Variants in STAB2 observed in about 807,000 individuals in gnomAD.
STAB2 encodes the protein stabilin-2.
A neutral mutation model predicts 338.1 loss-of-function variants in STAB2; 288 were observed. The observed-to-expected ratio is 0.85, with a 90% confidence interval of 0.77 to 0.94. STAB2 has a LOEUF of 0.94. Among genes scored for constraint, STAB2 ranks in the 40% least tolerant of loss-of-function variants. The pLI, the probability that STAB2 is intolerant of heterozygous loss-of-function variation, is 0.00. For missense variants in STAB2, 3,141 were observed against 3,210.1 expected (o/e 0.98, Z 0.52); for synonymous variants, 1,202 against 1,193.3 (o/e 1.01, Z -0.15).
At chr12:103,696,582 G>A (rs1006265360) in intron 33 of STAB2, among the ~76,000 whole-genome samples, 18 of 152,332 alleles carry the variant, frequency 1.2e-4, no homozygotes, top group African/African-American at 4.3e-4. Flanking sequence ...ATCGTGGCAT[G>A]ATTGAAGCTT....
chr12:103,764,642 T>C (rs1471688041), intron 68 of STAB2, among the ~76,000 whole-genome samples: 1 of 151,798 alleles, frequency 6.6e-6, no homozygotes, highest in East Asian at 1.9e-4. Flanking sequence ...TTGTATAGTG[T>C]AACAGATATT....
intron 9 of STAB2, among the ~76,000 whole-genome samples, chr12:103,645,371 T>C (rs1183345935): frequency 1.3e-5 from 2 of 152,226 alleles, no homozygotes; most frequent in Admixed American, 1.3e-4. Context: ...CCATTAGCAC[T>C]GAGGCCATAA....
At chr12:103,620,026 C>T (rs561931916) in intron 3 of STAB2, among the ~76,000 whole-genome samples, 6 of 152,222 alleles carry the variant, frequency 3.9e-5, no homozygotes, top group Admixed American at 6.5e-5. Flanking sequence ...AATACCCTGT[C>T]TAGCACACCT....
rs543264559 is a variant in STAB2 at position 103,761,177 on chromosome 12, CT to C, written c.7249-122del. The C allele has an allele frequency of 5.3e-4, 425 of 796,602 alleles. 1 individual carries two copies. The highest frequency in any genetic ancestry group is 7.8e-4 in the Non-Finnish European group (374 of 479,766). 49.3% of individuals were successfully genotyped at this position (796,602 alleles called of 1,614,324 possible). A position where few individuals can be genotyped will look rare whatever the true frequency, so the allele number is the denominator to read the frequency against. On this transcript the variant is annotated intron_variant, in intron 65 of 68. Coordinates refer to ENST00000388887, the MANE Select transcript of STAB2 (RefSeq NM_017564.10). ...AGGGTGAGGAGAAGTCCTGGGCTGCCTATCAGTGGAGACAAACCTGAAACAT... is the reference window on the plus strand; with the variant it reads ...AGGGTGAGGAGAAGTCCTGGGCTGCCATCAGTGGAGACAAACCTGAAACAT...
chr12:103,637,744 T>C (rs1334770491), intron 7 of STAB2, among the ~76,000 whole-genome samples: 4 of 152,222 alleles, frequency 2.6e-5, no homozygotes, highest in Non-Finnish European at 4.4e-5. Flanking sequence ...TTAGTACATA[T>C]TATAAATTCT....
intron 31 of STAB2, among the ~76,000 whole-genome samples, chr12:103,694,667 T>C (rs576784072): frequency 9.9e-5 from 15 of 152,096 alleles, no homozygotes; most frequent in Non-Finnish European, 2.1e-4. Flanking sequence ...AACCCAGACC[T>C]CAGTCACACT....
chr12:103,587,505 G>C lies in STAB2; in HGVS notation c.29G>C (p.Cys10Ser). Residue 10 changes from cysteine to serine, a missense_variant, in exon 1 of 69, where the codon TGT becomes TCT. Coordinates refer to ENST00000388887, the MANE Select transcript of STAB2 (RefSeq NM_017564.10). The part of the protein sequence containing the change: MMLQHLVIF[C>S]LGLVVQNFCS... Reference sequence around the variant, plus strand: ...ATGCTACAACATTTAGTAATTTTTTGTCTTGGATTGGTTGTACAAAATTTC... The same window carrying C: ...ATGCTACAACATTTAGTAATTTTTTCTCTTGGATTGGTTGTACAAAATTTC... 6.2e-7 allele frequency: 1 copy of C among 1,614,006 alleles called. No individual in the cohort carries two copies. Among genetic ancestry groups the C allele is most frequent in the Non-Finnish European group, 8.5e-7 (1 of 1,179,916 alleles).
intron 67 of STAB2, chr12:103,763,251 AT>A (rs1884675200): frequency 2.0e-6 from 1 of 495,980 alleles, no homozygotes; most frequent in Admixed American, 3.3e-5. Context: ...ATCCTGGGGT[AT>A]GGAAATGCCC....
At chr12:103,709,291 G>A (rs971195134) in intron 39 of STAB2, among the ~76,000 whole-genome samples, 4 of 152,196 alleles carry the variant, frequency 2.6e-5, no homozygotes, top group South Asian at 4.1e-4. Context: ...CAGAATGAGA[G>A]GACTTTAAGG....
intron 24 of STAB2, among the ~76,000 whole-genome samples, chr12:103,677,006 C>T (rs958696892): frequency 2.6e-5 from 4 of 152,202 alleles, no homozygotes; most frequent in Non-Finnish European, 5.9e-5. Flanking sequence ...CCTTCTCATT[C>T]TGTCCTCCAG....
Position 103,762,134 on chromosome 12 carries a change from C to A in STAB2, c.7360-140C>A. On this transcript the variant is annotated intron_variant, in intron 66 of 68. Transcript: ENST00000388887. ...TTCACAGAAGGGTATTAGACCCTGG[C>A]AGTAATAAGGGCCAGATACATGTTA... 5 of 1,129,380 alleles carry A rather than the reference C, an allele frequency of 4.4e-6. No individual in the cohort carries two copies. The Admixed American group carries it at 9.7e-5, about 22-fold the overall frequency. 70.0% of individuals were successfully genotyped at this position (1,129,380 alleles called of 1,614,324 possible). A position where few individuals can be genotyped will look rare whatever the true frequency, so the allele number is the denominator to read the frequency against.
intron 9 of STAB2, among the ~76,000 whole-genome samples, chr12:103,643,945 C>CA (rs1873123497): frequency 2.7e-5 from 1 of 37,288 alleles, no homozygotes. Context: ...CCGCCCCGTC[C>CA]GGGAGGTGAG....
chr12:103,711,792 G>A (rs1879885119), intron 40 of STAB2, among the ~76,000 whole-genome samples: 1 of 152,210 alleles, frequency 6.6e-6, no homozygotes, highest in South Asian at 2.1e-4. Flanking sequence ...TGGAGACTGA[G>A]GAAACCCAGT....
At chr12:103,692,187 G>A (rs549310055) in intron 30 of STAB2, among the ~76,000 whole-genome samples, 1 of 152,320 alleles carries the variant, frequency 6.6e-6, no homozygotes, top group Non-Finnish European at 1.5e-5. Context: ...TCCTTGGGTT[G>A]TAGATGGCAT....
intron 25 of STAB2, among the ~76,000 whole-genome samples, chr12:103,679,937 A>G (rs1032911565): frequency 6.6e-6 from 1 of 152,234 alleles, no homozygotes; most frequent in Non-Finnish European, 1.5e-5. Flanking sequence ...ATGGAATAGC[A>G]ATCAGCCTTA....
intron 5 of STAB2, among the ~76,000 whole-genome samples, chr12:103,627,542 G>C (rs1166312980): frequency 6.6e-6 from 1 of 152,222 alleles, no homozygotes; most frequent in South Asian, 2.1e-4. Flanking sequence ...TTTCAATGAT[G>C]ATCTGGGAAA....
At position 103,653,629 on chromosome 12, in the gene STAB2, T is replaced by TGGATGGATGGAC. The variant is rs1189756618; in HGVS notation, c.1408-915_1408-914insCGGATGGATGGA. On this transcript the variant is annotated intron_variant, in intron 12 of 68. Coordinates refer to ENST00000388887, the MANE Select transcript of STAB2 (RefSeq NM_017564.10). ...CTGGATGGATGGATGGATGGATGGA[T>TGGATGGATGGAC]GGATGGATGGATACATGGATAGGTC... Among the ~76,000 whole-genome samples the TGGATGGATGGAC allele has an allele frequency of 7.1e-4, 106 of 148,690 alleles. 2 individuals are homozygous for TGGATGGATGGAC. The highest frequency in any genetic ancestry group is 2.5e-3 in the African/African-American group (100 of 39,976).
Position 103,640,206 on chromosome 12 carries a change from C to G in STAB2, c.990C>G (p.Asn330Lys). 2 of 1,613,624 alleles carry G rather than the reference C, an allele frequency of 1.2e-6. No homozygotes were observed. The highest frequency in any genetic ancestry group is 1.1e-5 in the South Asian group (1 of 91,028). ...TGACTGATATATGTAAATCAGATAA[C>G]CCGTGTCATAGGAATGCAAATTGCA... ...CSMTDICKSD[N>K]PCHRNANCTT... The change falls in exon 9 of 69, where the codon AAC (asparagine) becomes AAG (lysine). Residue 330 changes from asparagine to lysine, a missense_variant. Transcript: ENST00000388887.
chr12:103,642,032 G>T (rs766633189), intron 9 of STAB2, among the ~76,000 whole-genome samples: 3 of 152,214 alleles, frequency 2.0e-5, no homozygotes, highest in Admixed American at 6.5e-5. Context: ...TGATCGAGAA[G>T]GGTGGGTTGA....
Sources: gnomAD v4.1 joint callset for allele counts (sites outside exome capture counted in the v4.1 genomes callset) on GRCh38, gnomAD v4.1.1 for gene constraint, MANE v1.5 for transcripts, NCBI Gene and HGNC (gene_info 2026-07-23, HGNC 2026-07-21) for gene names.